Variants in AKAP8L observed in about 807,000 individuals in gnomAD.
AKAP8L encodes A-kinase anchoring protein 8 like, also known as A-kinase anchor protein 8-like.
A neutral mutation model predicts 77.5 loss-of-function variants in AKAP8L; 34 were observed. That is an observed-to-expected ratio of 0.44 (90% CI 0.33 to 0.58). The LOEUF is 0.58. AKAP8L is among the 20% of genes least tolerant of loss of function. The probability of loss-of-function intolerance (pLI) is 0.02; values close to 1 mark genes in which losing one functional copy is unlikely to be tolerated. For synonymous variants in AKAP8L, 342 were observed against 340.7 expected (o/e 1.00, Z -0.04); for missense variants, 806 against 887.6 (o/e 0.91, Z 1.17).
rs772490640 is a variant in AKAP8L at position 15,397,663 on chromosome 19, G to A, written c.1300-38C>T. 1.9e-6 allele frequency: 3 copies of A among 1,613,862 alleles called. No individual in the cohort carries two copies. The Admixed American group carries it at 5.0e-5, about 27-fold the overall frequency. ...TAAAGGTTCATGTGGGCCGCCTTATGTTCTCAGGGGTCCAAGAAACTAAGA... is the reference window on the plus strand; with the variant it reads ...TAAAGGTTCATGTGGGCCGCCTTATATTCTCAGGGGTCCAAGAAACTAAGA... On this transcript the variant is annotated intron_variant, in intron 10 of 13. Coordinates refer to ENST00000397410, the MANE Select transcript of AKAP8L (RefSeq NM_014371.4). This position sits in a 1 kb window ranked among gnomAD's most constrained non-coding sequence, Gnocchi z 4.7.
At chr19:15,400,409 T>C (rs561264850) in intron 7 of AKAP8L, 51 bp from the exon 8 acceptor site, 3 of 1,350,310 alleles carry the variant, frequency 2.2e-6, no homozygotes, top group Non-Finnish European at 3.1e-6. Context: ...TTTTTTTTTT[T>C]AAAAGAAACC....
At chr19:15,394,357 G>A (rs548398646) in intron 12 of AKAP8L, among the ~76,000 whole-genome samples, 3 of 152,260 alleles carry the variant, frequency 2.0e-5, no homozygotes, top group East Asian at 1.9e-4. Flanking sequence ...TATATGAAGT[G>A]TCTAGAATAA....
Position 15,399,690 on chromosome 19 carries a change from A to G in AKAP8L, c.1049-280T>C, listed in dbSNP as rs1967851125. 2.1e-6 allele frequency: 1 copy of G among 468,968 alleles called. No homozygotes were observed. Among genetic ancestry groups the G allele is most frequent in the South Asian group, 2.4e-5 (1 of 41,860 alleles). 29.1% of individuals were successfully genotyped at this position (468,968 alleles called of 1,614,324 possible). A position where few individuals can be genotyped will look rare whatever the true frequency, so the allele number is the denominator to read the frequency against. ...GCCAGGAGGAGGCTGGAAAGCAAAGAGGGGGTATCTTTGTGGGGACACTGG... is the reference window on the plus strand; with the variant it reads ...GCCAGGAGGAGGCTGGAAAGCAAAGGGGGGGTATCTTTGTGGGGACACTGG... On this transcript the variant is annotated intron_variant, in intron 8 of 13. Transcript: ENST00000397410. This position sits in a 1 kb window ranked among gnomAD's most constrained non-coding sequence, Gnocchi z 6.1.
chr19:15,382,249 A>T (rs950602087), intron 12 of AKAP8L, among the ~76,000 whole-genome samples: 5 of 148,084 alleles, frequency 3.4e-5, no homozygotes, highest in African/African-American at 1.0e-4. Context: ...TCTGTCGCCC[A>T]GGCTGGAGTG....
rs981486663 is a variant in AKAP8L, at chr19:15,398,693, C to T, written c.1157+609G>A. The T allele has an allele frequency of 2.0e-5, 20 of 987,808 alleles. No individual in the cohort carries two copies. Among genetic ancestry groups the T allele is most frequent in the African/African-American group, 3.5e-5 (2 of 57,262 alleles). 61.2% of individuals were successfully genotyped at this position (987,808 alleles called of 1,614,324 possible). ...TTGTCTGGAGAGCCCAGGGGCCGGGCGCCGGCGAGGCTGAGGAAGGTCCAG... is the reference window on the plus strand; with the variant it reads ...TTGTCTGGAGAGCCCAGGGGCCGGGTGCCGGCGAGGCTGAGGAAGGTCCAG... On this transcript the variant is annotated intron_variant, in intron 9 of 13. Transcript: ENST00000397410. The surrounding 1 kb of genome is among the most constrained non-coding windows in gnomAD (Gnocchi z 9.2).
At chr19:15,384,467 T>C (rs1004913602) in intron 12 of AKAP8L, among the ~76,000 whole-genome samples, 13 of 151,752 alleles carry the variant, frequency 8.6e-5, no homozygotes, top group African/African-American at 3.1e-4. Context: ...GCCCAGCTAA[T>C]TTTTTGTATT....
intron 12 of AKAP8L, among the ~76,000 whole-genome samples, chr19:15,390,496 G>C (rs1385242077): frequency 6.6e-6 from 1 of 151,148 alleles, no homozygotes; most frequent in Non-Finnish European, 1.5e-5. Context: ...CGAAGCACTT[G>C]AAGAATTAAT....
Position 15,399,726 on chromosome 19 carries a change from G to A in AKAP8L, c.1049-316C>T, listed in dbSNP as rs927799702. 52 of 390,550 alleles carry A rather than the reference G, an allele frequency of 1.3e-4. No individual in the cohort carries two copies. The highest frequency in any genetic ancestry group is 1.6e-4 in the Non-Finnish European group (33 of 209,562). 24.2% of individuals were successfully genotyped at this position (390,550 alleles called of 1,614,324 possible). On this transcript the variant is annotated intron_variant, in intron 8 of 13. Coordinates refer to ENST00000397410, the MANE Select transcript of AKAP8L (RefSeq NM_014371.4). This position sits in a 1 kb window ranked among gnomAD's most constrained non-coding sequence, Gnocchi z 6.1. Reference sequence around the variant, plus strand: ...TTGTGGGGACACTGGCACATGTTCAGAGGGGCCAGGTGGTGGGATGCAGGG... The same window carrying A: ...TTGTGGGGACACTGGCACATGTTCAAAGGGGCCAGGTGGTGGGATGCAGGG...
In AKAP8L at chr19:15,392,508, A is replaced by G. The variant is rs527529981; in HGVS notation, c.1536+4642T>C. Among the ~76,000 whole-genome samples, 3 of 152,252 alleles carry G rather than the reference A, an allele frequency of 2.0e-5. No homozygotes were observed. In the East Asian group the frequency reaches 5.8e-4, roughly 29 times the overall value. On this transcript the variant is annotated intron_variant, in intron 12 of 13. Coordinates refer to ENST00000397410, the MANE Select transcript of AKAP8L (RefSeq NM_014371.4). ...TGAGACCCTATTTCAAGAATAAAAA[A>G]AAAAAGTATTTTTATACACATGCAA...
intron 1 of AKAP8L, among the ~76,000 whole-genome samples, chr19:15,415,683 A>G (rs7246358): frequency 0.022 from 3,327 of 152,124 alleles, 48 homozygotes; most frequent in African/African-American, 0.045. Flanking sequence ...TCAGGAGATC[A>G]AGACCATCCT....
intron 12 of AKAP8L, among the ~76,000 whole-genome samples, chr19:15,396,605 C>T (rs1258363945): frequency 6.6e-6 from 1 of 152,182 alleles, no homozygotes; most frequent in Non-Finnish European, 1.5e-5. Context: ...CACATGCCAG[C>T]CCCCGGCTCC....
intron 2 of AKAP8L, among the ~76,000 whole-genome samples, chr19:15,406,385 G>C: frequency 6.7e-6 from 1 of 148,916 alleles, no homozygotes; most frequent in African/African-American, 2.5e-5. Flanking sequence ...GAGAGAGAGA[G>C]AGAGAGAGAG....
At chr19:15,412,749 A>G (rs1292933540) in intron 1 of AKAP8L, among the ~76,000 whole-genome samples, 5 of 152,132 alleles carry the variant, frequency 3.3e-5, no homozygotes, top group East Asian at 1.9e-4. Flanking sequence ...TCACCATGTT[A>G]GCCAGGATGG....
intron 12 of AKAP8L, among the ~76,000 whole-genome samples, chr19:15,384,495 T>C (rs1264440743): frequency 6.6e-6 from 1 of 151,876 alleles, no homozygotes; most frequent in East Asian, 1.9e-4. Context: ...AGACAGGGTT[T>C]CATTATGTTG....
chr19:15,383,211 T>C (rs1487511170), intron 12 of AKAP8L: 1 of 152,220 alleles, frequency 6.6e-6, no homozygotes, highest in Non-Finnish European at 1.5e-5. Flanking sequence ...ATTGTCTTTC[T>C]TTTTATTTTA....
At chr19:15,402,023 G>A (rs917177432) in intron 4 of AKAP8L, among the ~76,000 whole-genome samples, 6 of 152,202 alleles carry the variant, frequency 3.9e-5, no homozygotes, top group Admixed American at 2.0e-4. Flanking sequence ...CAATGAATGC[G>A]CAGCCAGTGA....
intron 12 of AKAP8L, among the ~76,000 whole-genome samples, chr19:15,388,086 T>C (rs1176686238): frequency 6.6e-6 from 1 of 151,892 alleles, no homozygotes; most frequent in East Asian, 1.9e-4. Context: ...CAGCCAGCAA[T>C]TGGTAGAGTT....
intron 12 of AKAP8L, among the ~76,000 whole-genome samples, chr19:15,386,923 T>G (rs1021074657): frequency 2.0e-5 from 3 of 152,228 alleles, no homozygotes; most frequent in Non-Finnish European, 4.4e-5. Context: ...CCTCCCAAAG[T>G]GCTGGGATTA....
chr19:15,389,235 GAA>G (rs1285680371), intron 12 of AKAP8L, among the ~76,000 whole-genome samples: 1 of 83,914 alleles, frequency 1.2e-5, no homozygotes, highest in African/African-American at 4.4e-5. Flanking sequence ...AAAAAAAAAA[GAA>G]AAAAAAAAAA....
Sources: allele counts gnomAD v4.1 joint callset (sites outside exome capture counted in the v4.1 genomes callset), GRCh38; gene constraint gnomAD v4.1.1; non-coding constraint Gnocchi (gnomAD v3.1); transcripts MANE v1.5; gene names NCBI Gene and HGNC (gene_info 2026-07-23, HGNC 2026-07-21).